FER1L5: variants seen among roughly 807,000 people sequenced by gnomAD.
The protein encoded by FER1L5 is fer-1 like family member 5.
Under a neutral mutation model 279.9 loss-of-function variants are expected in FER1L5, and 187 were observed. That is an observed-to-expected ratio of 0.67 (90% confidence interval 0.59 to 0.75). The LOEUF (loss-of-function observed/expected upper bound fraction) is 0.75. Among genes scored for constraint, FER1L5 ranks in the 30% least tolerant of loss-of-function variants. The pLI is 0.00. For synonymous variants in FER1L5, 921 were observed against 989.7 expected, an observed-to-expected ratio of 0.93 and a Z score of 1.30; for missense variants, 2,091 against 2,594.4, an observed-to-expected ratio of 0.81 and a Z score of 4.21.
intron 9 of FER1L5, among the ~76,000 whole-genome samples, chr2:96,659,290 T>TTCCTTCCTTCCCTTCCTTCC (rs1553449027): frequency 1.2e-5 from 1 of 80,942 alleles, no homozygotes; most frequent in Non-Finnish European, 2.7e-5. Context: ...TTTATCAAGC[T>TTCCTTCCTTCCCTTCCTTCC]TTCCTTCCTT....
At chr2:96,655,881 T>A (rs189155017) in intron 9 of FER1L5, among the ~76,000 whole-genome samples, 6 of 152,294 alleles carry the variant, frequency 3.9e-5, no homozygotes, top group African/African-American at 9.6e-5. Flanking sequence ...GGCTAATTTT[T>A]AAAAATTTTT....
rs369289094 is a variant in FER1L5, at chr2:96,687,806, T to G, written c.2230-10T>G. ...AGTGCCCCTGTGGGACCGATCGGCC[T>G]CTGGCTCAGTACCCAGAGGGTGAAG... On this transcript the variant is annotated splice_polypyrimidine_tract_variant and intron_variant, in intron 23 of 52. Coordinates refer to ENST00000624922, the MANE Select transcript of FER1L5 (RefSeq NM_001293083.2). 8.8e-5 allele frequency: 137 copies of G among 1,550,906 alleles called. No homozygotes were observed. Among genetic ancestry groups the G allele is most frequent in the Non-Finnish European group, 1.2e-4 (132 of 1,146,922 alleles).
At chr2:96,662,683 C>T (rs1429886862) in intron 13 of FER1L5, among the ~76,000 whole-genome samples, 1 of 152,134 alleles carries the variant, frequency 6.6e-6, no homozygotes, top group African/African-American at 2.4e-5. Flanking sequence ...CAAATTCGGA[C>T]AATGCTAGGT....
intron 19 of FER1L5, among the ~76,000 whole-genome samples, chr2:96,679,579 T>G (rs2076643086): frequency 6.6e-6 from 1 of 152,234 alleles, no homozygotes; most frequent in African/African-American, 2.4e-5. Flanking sequence ...TCATTTTGAA[T>G]TAATTTGCAT....
At chr2:96,642,950 G>T (rs867267132) in intron 1 of FER1L5, 29 bp downstream of exon 1, 2 of 1,537,950 alleles carry the variant, frequency 1.3e-6, no homozygotes, top group Non-Finnish European at 1.8e-6. Context: ...CCACATGGGA[G>T]AGAGAAGCCC....
At chr2:96,656,115 G>T (rs1408896088) in intron 9 of FER1L5, among the ~76,000 whole-genome samples, 3 of 151,986 alleles carry the variant, frequency 2.0e-5, no homozygotes, top group South Asian at 4.2e-4. Flanking sequence ...CCTACACCTA[G>T]CCCCCTTCGC....
At chr2:96,660,425 G>T (rs2075911742) in intron 10 of FER1L5, 54 bp downstream of exon 10, 14 of 1,519,656 alleles carry the variant, frequency 9.2e-6, no homozygotes, top group Admixed American at 2.0e-5. Context: ...TCAGGCCAAG[G>T]GTCAGAATAT....
In FER1L5 at chr2:96,646,147, C is replaced by T. The variant is rs544712950; in HGVS notation, c.86-254C>T. On this transcript the variant is annotated intron_variant, in intron 1 of 52. Transcript: ENST00000624922. ...CCAAGTAGCTGGGACTACAGGCGCC[C>T]GCCACCACGCCCGGCTAATTTTTTG... Among the ~76,000 whole-genome samples, 23 of 152,048 alleles carry T rather than the reference C, an allele frequency of 1.5e-4. No homozygotes were observed. The South Asian group carries it at 4.0e-3, about 26-fold the overall frequency.
chr2:96,700,563 A>T (rs1276335345), intron 45 of FER1L5, 92 bp downstream of exon 45: 2 of 1,560,338 alleles, frequency 1.3e-6, no homozygotes, highest in Non-Finnish European at 1.7e-6. Context: ...AGTCCACGAG[A>T]GGAGAAGGAC....
At chr2:96,646,569 T>C (rs1028445646) in intron 2 of FER1L5, 116 bp downstream of exon 2, 5 of 1,079,710 alleles carry the variant, frequency 4.6e-6, no homozygotes, top group Non-Finnish European at 6.8e-6. Context: ...CCTCACAGGC[T>C]TTCCTCAAGG....
chr2:96,689,077 A>T lies in FER1L5; in HGVS notation c.2362-136A>T. On this transcript the variant is annotated intron_variant, in intron 24 of 52. Transcript: ENST00000624922. This position sits in a 1 kb window ranked among gnomAD's most constrained non-coding sequence, Gnocchi z 4.6. ...CAGTGCCCTCACCTGTGCAATGGGG[A>T]CATGGCCCTTTCTTGCCTGGCTACC... is the stretch of plus-strand genomic sequence containing the variant. 1 of 1,044,400 alleles carries T rather than the reference A, an allele frequency of 9.6e-7. No homozygotes were observed. Among genetic ancestry groups the T allele is most frequent in the South Asian group, 1.7e-5 (1 of 59,196 alleles). The allele number at this position is 1,044,400 out of a possible 1,614,324, so 64.7% of individuals were successfully genotyped here.
At chr2:96,696,252 A>G (rs2077374567) in intron 37 of FER1L5, among the ~76,000 whole-genome samples, 175 bp downstream of exon 37, 1 of 152,026 alleles carries the variant, frequency 6.6e-6, no homozygotes, top group African/African-American at 2.4e-5. Context: ...GCCTGACTGC[A>G]TGTTAGAATC....
rs1314699419 is a variant in FER1L5 at position 96,689,578 on chromosome 2, G to C, written c.2526-66G>C. ...TGCCAGGTATGGGAACGCTTGGCCA[G>C]CAGAAGACGGCCCTAGGGGCTGCTT... is the stretch of plus-strand genomic sequence containing the variant. On this transcript the variant is annotated intron_variant, in intron 25 of 52. Transcript: ENST00000624922. The surrounding 1 kb of genome is among the most constrained non-coding windows in gnomAD (Gnocchi z 4.6). The C allele has an allele frequency of 1.4e-6, 2 of 1,467,252 alleles. No individual in the cohort carries two copies. The highest frequency in any genetic ancestry group is 1.9e-6 in the Non-Finnish European group (2 of 1,072,118). 90.9% of individuals were successfully genotyped at this position (1,467,252 alleles called of 1,614,324 possible). A position where few individuals can be genotyped will look rare whatever the true frequency, so the allele number is the denominator to read the frequency against.
chr2:96,681,292 A>G (rs1488968425), intron 19 of FER1L5, among the ~76,000 whole-genome samples: 1 of 152,190 alleles, frequency 6.6e-6, no homozygotes, highest in African/African-American at 2.4e-5. Context: ...GGCTACAATG[A>G]GCCGTGATCA....
In FER1L5 at chr2:96,697,644, T is replaced by G. The variant is rs763300910; in HGVS notation, c.4135-16T>G. On this transcript the variant is annotated splice_polypyrimidine_tract_variant and intron_variant, in intron 38 of 52. Coordinates refer to ENST00000624922, the MANE Select transcript of FER1L5 (RefSeq NM_001293083.2). The stretch of plus-strand genomic sequence containing the variant: ...CTGCCCCTGCCCGAGGCCAGAATGA[T>G]CCTCTTCTCTGCCAGGATGAGTATG... 24 of 1,613,848 alleles carry G rather than the reference T, an allele frequency of 1.5e-5. No individual in the cohort carries two copies. Among genetic ancestry groups the G allele is most frequent in the Non-Finnish European group, 2.0e-5 (24 of 1,179,870 alleles).
At chr2:96,648,384 T>A (rs1440163527) in intron 4 of FER1L5, among the ~76,000 whole-genome samples, 1 of 152,172 alleles carries the variant, frequency 6.6e-6, no homozygotes, top group Non-Finnish European at 1.5e-5. Context: ...GTCATTTGTG[T>A]TTTGGCAGAG....
intron 19 of FER1L5, among the ~76,000 whole-genome samples, chr2:96,680,616 T>G (rs1282019064): frequency 6.6e-6 from 1 of 152,196 alleles, no homozygotes; most frequent in African/African-American, 2.4e-5. Flanking sequence ...GCATTTTCCA[T>G]CTTTGACACA....
chr2:96,696,332 G>A (rs1261572124), intron 37 of FER1L5, among the ~76,000 whole-genome samples: 1 of 150,700 alleles, frequency 6.6e-6, no homozygotes, highest in Non-Finnish European at 1.5e-5. Flanking sequence ...TGCTCTTGTT[G>A]CCCAGGCTGG....
rs891555728 is a variant in FER1L5, at chr2:96,698,862, GCCCCGCACGCT to G, written c.4518+35_4518+45del. 2 of 1,552,044 alleles carry G rather than the reference GCCCCGCACGCT, an allele frequency of 1.3e-6. No homozygotes were observed. Among genetic ancestry groups the G allele is most frequent in the Non-Finnish European group, 1.7e-6 (2 of 1,147,216 alleles). ...AGAACAGTACCTGCCCCACACAGGT[GCCCCGCACGCT>G]CCCCTCAACCCATCTCTGGGAGCCC... is the stretch of plus-strand genomic sequence containing the variant. On this transcript the variant is annotated intron_variant, in intron 41 of 52. Coordinates refer to ENST00000624922, the MANE Select transcript of FER1L5 (RefSeq NM_001293083.2). The surrounding 1 kb of genome is among the most constrained non-coding windows in gnomAD (Gnocchi z 5.5).
Sources: gnomAD v4.1 joint callset for allele counts (sites outside exome capture counted in the v4.1 genomes callset) on GRCh38, gnomAD v4.1.1 for gene constraint, Gnocchi (gnomAD v3.1) non-coding constraint, MANE v1.5 for transcripts, NCBI Gene and HGNC (gene_info 2026-07-23, HGNC 2026-07-21) for gene names.